Variants in ALDH1A1 observed in about 807,000 individuals in gnomAD.
The protein encoded by ALDH1A1 is aldehyde dehydrogenase 1A1.
In ALDH1A1, 19 loss-of-function variants were observed where a neutral mutation model predicts 62.1. That is an observed-to-expected ratio of 0.31 (90% confidence interval 0.21 to 0.45). The LOEUF is 0.45. Ranked by LOEUF, ALDH1A1 falls within the 20% of genes least tolerant of loss-of-function variation. The pLI is 1.00. For missense variants in ALDH1A1, 521 were observed against 607.1 expected (o/e 0.86, Z 1.49); for synonymous variants, 231 against 215.9 (o/e 1.07, Z -0.61).
chr9:72,912,876 C>T (rs185730594), intron 9 of ALDH1A1, among the ~76,000 whole-genome samples: 143 of 152,294 alleles, frequency 9.4e-4, no homozygotes, highest in Non-Finnish European at 1.6e-3. Context: ...ACCAGGAACA[C>T]GTACCTCTTC....
intron 12 of ALDH1A1, among the ~76,000 whole-genome samples, chr9:72,905,599 T>C (rs1312555422): frequency 6.6e-6 from 1 of 152,182 alleles, no homozygotes; most frequent in Non-Finnish European, 1.5e-5. Context: ...CATTTGCACC[T>C]TTCTTGCAAT....
chr9:72,941,885 T>C (rs1830419622), intron 1 of ALDH1A1, among the ~76,000 whole-genome samples: 1 of 152,138 alleles, frequency 6.6e-6, no homozygotes, highest in South Asian at 2.1e-4. Context: ...CTGAAATTGA[T>C]GGTAAAACAC....
intron 12 of ALDH1A1, among the ~76,000 whole-genome samples, chr9:72,905,326 C>T (rs375454106): frequency 1.3e-5 from 2 of 152,010 alleles, no homozygotes; most frequent in Admixed American, 1.3e-4. Context: ...ACCCTAGTTT[C>T]AAAAGCAATT....
Position 72,916,994 on chromosome 9 carries a change from G to T in ALDH1A1, c.961C>A (p.Arg321=). The change falls in exon 9 of 13, where the codon CGA becomes AGA. Residue 321 remains arginine (R), a synonymous_variant. Transcript: ENST00000297785. Reference sequence around the variant, plus strand: ...TTCTTAGCCCGCTCAACACTCCTTCGAACAAACTCATCATAAATTGATTCT... The same window carrying T: ...TTCTTAGCCCGCTCAACACTCCTTCTAACAAACTCATCATAAATTGATTCT... ...VEESIYDEFV[R]RSVERAKKYI... The T allele has an allele frequency of 6.8e-6, 11 of 1,613,778 alleles. No individual in the cohort carries two copies. The highest frequency in any genetic ancestry group is 9.3e-6 in the Non-Finnish European group (11 of 1,179,850).
intron 4 of ALDH1A1, among the ~76,000 whole-genome samples, chr9:72,927,979 G>A (rs7043217): frequency 0.44 from 60,286 of 136,762 alleles, 14,401 homozygotes; most frequent in South Asian, 0.52. Context: ...TTTCAGCAAG[G>A]ACTCTCTTCA....
intron 11 of ALDH1A1, among the ~76,000 whole-genome samples, chr9:72,908,572 AAAGAAAGAAAGAAAGAAAG>A (rs2118487109): frequency 1.1e-5 from 1 of 94,508 alleles, no homozygotes; most frequent in African/African-American, 3.8e-5. Flanking sequence ...AGAAAGAAAG[AAAGAAAGAAAGAAAGAAAG>A]AAAGAAAGAA....
intron 1 of ALDH1A1, 71 bp downstream of exon 1, chr9:72,952,864 A>G: frequency 5.2e-6 from 8 of 1,536,858 alleles, no homozygotes; most frequent in Non-Finnish European, 7.1e-6. Context: ...ACTTAAATTG[A>G]CCTTTAATGC....
intron 9 of ALDH1A1, among the ~76,000 whole-genome samples, chr9:72,914,950 TAGTG>T (rs1830042045): frequency 6.6e-6 from 1 of 152,144 alleles, no homozygotes; most frequent in Admixed American, 6.6e-5. Context: ...GGCTAAAGCT[TAGTG>T]AGTGAGTATC....
chr9:72,912,893 T>G (rs8187972), intron 9 of ALDH1A1, among the ~76,000 whole-genome samples: 5,487 of 152,310 alleles, frequency 0.036, 322 homozygotes, highest in African/African-American at 0.12. Flanking sequence ...CTTCAAGCAC[T>G]GAAATCTGGG....
intron 1 of ALDH1A1, among the ~76,000 whole-genome samples, chr9:72,943,820 G>A (rs1830443569): frequency 6.6e-6 from 1 of 152,044 alleles, no homozygotes; most frequent in Non-Finnish European, 1.5e-5. Flanking sequence ...CATATCAAGA[G>A]CCGCCAGTAC....
At chr9:72,916,829 G>A (rs1588134384) in intron 9 of ALDH1A1, 91 bp downstream of exon 9, 1 of 1,094,846 alleles carries the variant, frequency 9.1e-7, no homozygotes, top group East Asian at 2.8e-5. Flanking sequence ...GTGTGCAGAT[G>A]GGAAGTAATC....
intron 1 of ALDH1A1, among the ~76,000 whole-genome samples, chr9:72,947,069 C>A (rs1830485477): frequency 6.6e-6 from 1 of 151,942 alleles, no homozygotes; most frequent in Admixed American, 6.6e-5. Context: ...GACATGTGTT[C>A]TTTACTTTAG....
chr9:72,921,240 CAAAA>C (rs1025687679), intron 7 of ALDH1A1, among the ~76,000 whole-genome samples: 6 of 79,072 alleles, frequency 7.6e-5, no homozygotes, highest in African/African-American at 8.3e-5. Flanking sequence ...CGACTCCTCT[CAAAA>C]AAAAAAAAAA....
chr9:72,904,110 A>C (rs529366243), intron 12 of ALDH1A1, among the ~76,000 whole-genome samples: 9 of 152,164 alleles, frequency 5.9e-5, no homozygotes, highest in Admixed American at 2.6e-4. Flanking sequence ...GAACATCTCC[A>C]CCAAATATGA....
At chr9:72,907,119 G>T (rs1829887095) in intron 11 of ALDH1A1, among the ~76,000 whole-genome samples, 1 of 152,160 alleles carries the variant, frequency 6.6e-6, no homozygotes, top group Non-Finnish European at 1.5e-5. Context: ...CACTATCCCA[G>T]TTCCCGAAGT....
Position 72,916,971 on chromosome 9 carries a change from C to A in ALDH1A1, c.984G>T (p.Lys328Asn), listed in dbSNP as rs1564627757. 1.2e-6 allele frequency: 2 copies of A among 1,613,608 alleles called. No homozygotes were observed. The highest frequency in any genetic ancestry group is 3.3e-5 in the Admixed American group (2 of 59,970). ...TCAGAGGATTTCCAAGGATATACTT[C>A]TTAGCCCGCTCAACACTCCTTCGAA... is the stretch of plus-strand genomic sequence containing the variant. ...EFVRRSVERA[K>N]KYILGNPLTP... The change falls in exon 9 of 13, where the codon AAG (lysine) becomes AAT (asparagine). Residue 328 changes from lysine to asparagine, a missense_variant. Transcript: ENST00000297785.
intron 9 of ALDH1A1, among the ~76,000 whole-genome samples, chr9:72,915,096 T>C (rs1237292007): frequency 6.6e-6 from 1 of 152,174 alleles, no homozygotes; most frequent in South Asian, 2.1e-4. Flanking sequence ...GAACTTGTGA[T>C]AAAAATCTAT....
intron 11 of ALDH1A1, among the ~76,000 whole-genome samples, chr9:72,906,272 T>C (rs17058219): frequency 0.047 from 7,081 of 152,154 alleles, 501 homozygotes; most frequent in African/African-American, 0.16. Flanking sequence ...TGGTCGTACA[T>C]TGTGTCCCTG....
chr9:72,942,363 T>A, intron 1 of ALDH1A1: 1 of 985,386 alleles, frequency 1.0e-6, no homozygotes, highest in Non-Finnish European at 1.2e-6. Flanking sequence ...TGAAGCTTGC[T>A]CATGCACACT....
Sources: gnomAD v4.1 joint callset for allele counts (sites outside exome capture counted in the v4.1 genomes callset) on GRCh38, gnomAD v4.1.1 for gene constraint, MANE v1.5 for transcripts, NCBI Gene and HGNC (gene_info 2026-07-23, HGNC 2026-07-21) for gene names.